C11orf65: variants seen among roughly 807,000 people sequenced by gnomAD.
The protein encoded by C11orf65 is protein MFI.
A neutral mutation model predicts 35.3 loss-of-function variants in C11orf65; 38 were observed. That is an observed-to-expected ratio of 1.08 (90% CI 0.83 to 1.41). The LOEUF is 1.41. Ranked by LOEUF, C11orf65 falls within the 40% of genes most tolerant of loss-of-function variation. C11orf65 has a pLI of 0.00. For synonymous variants in C11orf65, 105 were observed against 114.4 expected (o/e 0.92, Z 0.53); for missense variants, 370 against 367.1 (o/e 1.01, Z -0.06).
downstream of C11orf65, among the ~76,000 whole-genome samples, chr11:108,326,743 G>A (rs987689817): frequency 1.3e-5 from 2 of 152,222 alleles, no homozygotes; most frequent in African/African-American, 2.4e-5. Context: ...AGAGGCATTG[G>A]TGTCCCCAAG....
intron 3 of C11orf65, chr11:108,332,732 T>C (rs2086396819): frequency 6.2e-7 from 1 of 1,604,614 alleles, no homozygotes; most frequent in Non-Finnish European, 8.5e-7. Flanking sequence ...GGTAGTTCCT[T>C]ATGTAATGTT....
At chr11:108,371,729 T>C (rs530973582) in intron 2 of C11orf65, among the ~76,000 whole-genome samples, 6 of 152,346 alleles carry the variant, frequency 3.9e-5, no homozygotes, top group African/African-American at 1.4e-4. Context: ...TCTTCAGAAC[T>C]CTTTTTTCTT....
intron 6 of C11orf65, among the ~76,000 whole-genome samples, chr11:108,395,710 T>C (rs1268834788): frequency 7.1e-6 from 1 of 141,696 alleles, no homozygotes; most frequent in Non-Finnish European, 1.5e-5. Flanking sequence ...AAGCTCCGCC[T>C]CCCGGGTTCA....
intron 3 of C11orf65, among the ~76,000 whole-genome samples, chr11:108,425,591 C>T (rs577077630): frequency 6.6e-6 from 1 of 152,284 alleles, no homozygotes; most frequent in East Asian, 1.9e-4. Context: ...GGTACCATTC[C>T]TTCTGAAACT....
Position 108,405,414 on chromosome 11 carries a change from G to A in C11orf65, c.560+15C>T. On this transcript the variant is annotated intron_variant, in intron 6 of 8. Coordinates refer to ENST00000393084, the MANE Select transcript of C11orf65 (RefSeq NM_152587.5). ...AATACTACGTATTTCCTTAGTAAGT[G>A]TTTCATCAACTTACATTTGCCTCAT... 1 of 1,607,896 alleles carries A rather than the reference G, an allele frequency of 6.2e-7. No homozygotes were observed. Among genetic ancestry groups the A allele is most frequent in the South Asian group, 1.1e-5 (1 of 89,040 alleles).
chr11:108,386,546 TAGAG>T (rs2092004986), intron 7 of C11orf65, among the ~76,000 whole-genome samples: 1 of 152,068 alleles, frequency 6.6e-6, no homozygotes, highest in African/African-American at 2.4e-5. Flanking sequence ...GAGACTGAAA[TAGAG>T]AGACGAGGGT....
intron 2 of C11orf65, among the ~76,000 whole-genome samples, chr11:108,374,863 G>A (rs920422190): frequency 4.6e-4 from 70 of 152,248 alleles, no homozygotes; most frequent in African/African-American, 1.5e-3. Flanking sequence ...GAGCTGATGC[G>A]ATCAACTGGA....
chr11:108,373,708 G>A (rs185874804), intron 2 of C11orf65, among the ~76,000 whole-genome samples: 5 of 152,352 alleles, frequency 3.3e-5, no homozygotes, highest in South Asian at 4.1e-4. Flanking sequence ...TGCGCCAGCC[G>A]AAGCAGGGCG....
chr11:108,436,821 G>A (rs546954119), intron 2 of C11orf65, among the ~76,000 whole-genome samples: 1 of 152,260 alleles, frequency 6.6e-6, no homozygotes. Flanking sequence ...AATGCCATCT[G>A]AGTGCTGAGG....
downstream of C11orf65, among the ~76,000 whole-genome samples, chr11:108,329,911 T>C (rs2086076817): frequency 6.6e-6 from 1 of 152,242 alleles, no homozygotes; most frequent in Admixed American, 6.5e-5. Context: ...GTTACCTATT[T>C]TGATGTAATT....
intron 7 of C11orf65, among the ~76,000 whole-genome samples, chr11:108,392,406 G>A (rs1033362222): frequency 2.7e-5 from 3 of 110,666 alleles, no homozygotes; most frequent in Middle Eastern, 3.8e-3. Flanking sequence ...TTAGCCATTC[G>A]TCAGCTCATG....
intron 2 of C11orf65, among the ~76,000 whole-genome samples, chr11:108,452,790 C>G (rs1468007066): frequency 6.6e-6 from 1 of 151,978 alleles, no homozygotes; most frequent in Non-Finnish European, 1.5e-5. Context: ...GAAAATGTGG[C>G]ACATACACAC....
Position 108,393,267 on chromosome 11 carries a change from A to G in C11orf65, c.672T>C (p.Ser224=). The part of the protein sequence containing the change: ...IRAFEDGGID[S]VMEWEVDEVL... ...CTTCATCCACTTCCCATTCCATCACAGAATCTATCCCCCCATCTTCAAAAG... is the reference window on the plus strand; with the variant it reads ...CTTCATCCACTTCCCATTCCATCACGGAATCTATCCCCCCATCTTCAAAAG... Residue 224 remains serine, a synonymous_variant, in exon 7 of 9, where the codon TCT becomes TCC. Transcript: ENST00000393084. 1.2e-6 allele frequency: 2 copies of G among 1,614,114 alleles called. No homozygotes were observed.
chr11:108,386,105 T>C (rs1254342951), intron 7 of C11orf65, 130 bp from the exon 8 acceptor site: 1 of 739,980 alleles, frequency 1.4e-6, no homozygotes, highest in Non-Finnish European at 2.3e-6. Flanking sequence ...CATGTGTAAC[T>C]CTCAAGACTT....
At chr11:108,321,504 CG>C in intron 6 of C11orf65, 1 of 1,585,954 alleles carries the variant, frequency 6.3e-7, no homozygotes, top group Non-Finnish European at 8.6e-7. Context: ...AACTATAGGC[CG>C]GGCACGGTGG....
chr11:108,415,180 T>C (rs2092712174), intron 3 of C11orf65, among the ~76,000 whole-genome samples: 1 of 152,066 alleles, frequency 6.6e-6, no homozygotes, highest in African/African-American at 2.4e-5. Flanking sequence ...GAAAAGGAAA[T>C]GAAAAGTATA....
chr11:108,362,952 T>A (rs1038389942), intron 2 of C11orf65, among the ~76,000 whole-genome samples: 10 of 151,292 alleles, frequency 6.6e-5, no homozygotes, highest in Admixed American at 4.6e-4. Context: ...AAGTATAATT[T>A]AAAAAAAACT....
At chr11:108,322,599 G>T (rs933588469) in intron 6 of C11orf65, among the ~76,000 whole-genome samples, 3 of 152,186 alleles carry the variant, frequency 2.0e-5, no homozygotes, top group Admixed American at 2.0e-4. Context: ...TTTGGAAGAT[G>T]AAATAGTATA....
chr11:108,311,370 T>A (rs673308), intron 6 of C11orf65, among the ~76,000 whole-genome samples: 152,304 of 152,308 alleles, frequency 1, 76,150 homozygotes, highest in Middle Eastern at 1. Flanking sequence ...TGAAGAAGGG[T>A]GCCAAAGTAT....
Sources: allele counts gnomAD v4.1 joint callset (sites outside exome capture counted in the v4.1 genomes callset), GRCh38; gene constraint gnomAD v4.1.1; transcripts MANE v1.5; gene names NCBI Gene and HGNC (gene_info 2026-07-23, HGNC 2026-07-21).